Variants in IQCM observed in about 807,000 individuals in gnomAD.
IQCM encodes IQ motif containing M, also known as IQ domain-containing protein M.
In IQCM, 45 loss-of-function variants were observed where a neutral mutation model predicts 57.6. The ratio of observed to expected loss-of-function variants is 0.78; its 90% confidence interval spans 0.62 to 1.00. The LOEUF is 1.00. Ranked by LOEUF, IQCM falls within the 50% of genes least tolerant of loss-of-function variation. IQCM has a pLI of 0.00. For synonymous variants in IQCM, 148 were observed against 158.9 expected (o/e 0.93, Z 0.51); for missense variants, 468 against 511.6 (o/e 0.91, Z 0.82).
At chr4:149,469,538 G>A (rs1278767329) in intron 12 of IQCM, among the ~76,000 whole-genome samples, 1 of 152,212 alleles carries the variant, frequency 6.6e-6, no homozygotes, top group Non-Finnish European at 1.5e-5. Context: ...AAGCAAGTTG[G>A]AAAACATTCT....
intron 12 of IQCM, among the ~76,000 whole-genome samples, chr4:149,486,227 G>A (rs1741492511): frequency 6.6e-6 from 1 of 151,918 alleles, no homozygotes; most frequent in African/African-American, 2.4e-5. Context: ...CCAGGCCCTG[G>A]GTGTGTCCAG....
chr4:149,686,356 A>C lies in IQCM; in HGVS notation c.476+22T>G, dbSNP rs563798593. ...GTAGAAGAAAATATATATTTTCTAT[A>C]GGTTAGCTAATTATACATTACCTGG... On this transcript the variant is annotated intron_variant, in intron 6 of 13. Transcript: ENST00000636793. 335 of 1,065,462 alleles carry C rather than the reference A, an allele frequency of 3.1e-4. 5 individuals carry two copies. The South Asian group carries it at 0.014, about 45-fold the overall frequency. The allele number at this position is 1,065,462 out of a possible 1,614,324, so 66.0% of individuals were successfully genotyped here.
intron 12 of IQCM, among the ~76,000 whole-genome samples, chr4:149,437,212 T>C (rs980793750): frequency 7.2e-5 from 11 of 152,052 alleles, no homozygotes; most frequent in African/African-American, 2.4e-4. Flanking sequence ...GAACTGGTGG[T>C]CTCTCCCGTT....
rs569020022 is a variant in IQCM, at chr4:149,737,207, GA to G, written c.38-1750del. On this transcript the variant is annotated intron_variant, in intron 3 of 13. Transcript: ENST00000636793. ...TGATGGATTAACTGAGAAGAGACAT[GA>G]AGGAAATTTCTGGAGTGATGGGAAT... Among the ~76,000 whole-genome samples the G allele has an allele frequency of 1.1e-3, 173 of 152,296 alleles. 4 individuals carry two copies. Among genetic ancestry groups the G allele is most frequent in the Middle Eastern group, 0.01 (3 of 294 alleles).
chr4:149,542,166 A>G (rs957080841), intron 12 of IQCM, among the ~76,000 whole-genome samples: 1 of 152,102 alleles, frequency 6.6e-6, no homozygotes, highest in African/African-American at 2.4e-5. Context: ...ATAATTAGAC[A>G]TATATTTAAA....
chr4:149,354,375 A>AC (rs1560766343), intron 13 of IQCM, among the ~76,000 whole-genome samples: 4 of 135,070 alleles, frequency 3.0e-5, no homozygotes, highest in African/African-American at 8.1e-5. Context: ...AAAAAAAAAA[A>AC]AAAAAAAAAA....
chr4:149,768,073 T>C (rs981612555), intron 2 of IQCM, among the ~76,000 whole-genome samples: 1 of 152,128 alleles, frequency 6.6e-6, no homozygotes, highest in African/African-American at 2.4e-5. Context: ...ACAGCCCTGA[T>C]GTAACTAATT....
chr4:149,585,682 G>A (rs1023972599), intron 9 of IQCM, among the ~76,000 whole-genome samples: 1 of 151,406 alleles, frequency 6.6e-6, no homozygotes, highest in Non-Finnish European at 1.5e-5. Context: ...CCTCTCTTAA[G>A]TAATCATCAG....
chr4:149,432,642 T>C (rs1369143701), intron 13 of IQCM, among the ~76,000 whole-genome samples: 1 of 151,946 alleles, frequency 6.6e-6, no homozygotes, highest in African/African-American at 2.4e-5. Context: ...TTGTACTTTA[T>C]CAAAATTGAA....
chr4:149,413,908 T>C (rs1220306182), intron 13 of IQCM, among the ~76,000 whole-genome samples: 1 of 152,092 alleles, frequency 6.6e-6, no homozygotes, highest in African/African-American at 2.4e-5. Flanking sequence ...CATCTGGAGA[T>C]AGGTGCAAAA....
At chr4:149,772,456 G>T (rs919994845) in intron 2 of IQCM, among the ~76,000 whole-genome samples, 2 of 152,062 alleles carry the variant, frequency 1.3e-5, no homozygotes, top group African/African-American at 4.8e-5. Flanking sequence ...ATGATGAATG[G>T]TTATGGATAA....
intron 12 of IQCM, among the ~76,000 whole-genome samples, chr4:149,433,793 G>T (rs549123068): frequency 5.9e-5 from 9 of 151,828 alleles, no homozygotes; most frequent in African/African-American, 2.2e-4. Flanking sequence ...GCTTGAAGCA[G>T]TATTGTTAAG....
At position 149,685,787 on chromosome 4, in the gene IQCM, A is replaced by G. The variant is rs139037745; in HGVS notation, c.476+591T>C. On this transcript the variant is annotated intron_variant, in intron 6 of 13. Transcript: ENST00000636793. ...ATGTGCTGAAGGGCTTAGAGGTTCT[A>G]TCTATAGCTTCAGCACCAACTATTG... Among the ~76,000 whole-genome samples, 48 of 151,676 alleles carry G rather than the reference A, an allele frequency of 3.2e-4. No homozygotes were observed. The East Asian group carries it at 8.5e-3, about 27-fold the overall frequency.
intron 12 of IQCM, among the ~76,000 whole-genome samples, chr4:149,435,416 T>A (rs1012706084): frequency 1.3e-5 from 2 of 152,120 alleles, no homozygotes; most frequent in Non-Finnish European, 1.5e-5. Context: ...ATGATGATGC[T>A]GGTGTAAATA....
At chr4:149,403,341 T>C (rs1732750153) in intron 13 of IQCM, among the ~76,000 whole-genome samples, 1 of 152,032 alleles carries the variant, frequency 6.6e-6, no homozygotes, top group African/African-American at 2.4e-5. Flanking sequence ...TTTTCTCTTC[T>C]GCAATAAATT....
intron 13 of IQCM, among the ~76,000 whole-genome samples, chr4:149,398,052 C>T (rs1732353621): frequency 6.6e-6 from 1 of 151,916 alleles, no homozygotes; most frequent in South Asian, 2.1e-4. Context: ...AGTTTTAGGT[C>T]TTACATTGAT....
Position 149,626,392 on chromosome 4 carries a change from C to CATATATATATATACATATATATAT in IQCM, c.566-5149_566-5148insATATATATATGTATATATATATAT, listed in dbSNP as rs371051488. Among the ~76,000 whole-genome samples the CATATATATATATACATATATATAT allele has an allele frequency of 2.5e-5, 3 of 120,564 alleles. No individual in the cohort carries two copies. The South Asian group carries it at 9.8e-4, about 39-fold the overall frequency. 79.1% of individuals were successfully genotyped at this position (120,564 alleles called of 152,430 possible). A position where few individuals can be genotyped will look rare whatever the true frequency, so the allele number is the denominator to read the frequency against. ...GATTGTGTTAGTTATACTTAATAAA[C>CATATATATATATACATATATATAT]ATATATATATATAAGTTTATAGCAA... is the stretch of plus-strand genomic sequence containing the variant. On this transcript the variant is annotated intron_variant, in intron 7 of 13. Transcript: ENST00000636793.
intron 13 of IQCM, among the ~76,000 whole-genome samples, chr4:149,425,127 T>A (rs1215133941): frequency 6.6e-6 from 1 of 152,006 alleles, no homozygotes; most frequent in Non-Finnish European, 1.5e-5. Flanking sequence ...GAAGATAACA[T>A]GAGAAAATGC....
At chr4:149,713,309 T>A (rs1026551082) in intron 5 of IQCM, among the ~76,000 whole-genome samples, 1 of 152,222 alleles carries the variant, frequency 6.6e-6, no homozygotes, top group East Asian at 1.9e-4. Flanking sequence ...GGTCAATCCT[T>A]ATGAACACTC....
Sources: allele counts gnomAD v4.1 joint callset (sites outside exome capture counted in the v4.1 genomes callset), GRCh38; gene constraint gnomAD v4.1.1; transcripts MANE v1.5; gene names NCBI Gene and HGNC (gene_info 2026-07-23, HGNC 2026-07-21).